KIF26B: variants seen among roughly 807,000 people sequenced by gnomAD.
The protein encoded by KIF26B is kinesin-like protein KIF26B.
Under a neutral mutation model 151.2 loss-of-function variants are expected in KIF26B, and 63 were observed. That is an observed-to-expected ratio of 0.42 (90% CI 0.34 to 0.51). KIF26B has a LOEUF of 0.51. Among genes scored for constraint, KIF26B ranks in the 20% least tolerant of loss-of-function variants. The probability of loss-of-function intolerance (pLI) is 0.07; values close to 1 mark genes in which losing one functional copy is unlikely to be tolerated. For synonymous variants in KIF26B, 1,357 were observed against 1,262.1 expected, an observed-to-expected ratio of 1.08 and a Z score of -1.59; for missense variants, 2,813 against 2,913.6, an observed-to-expected ratio of 0.97 and a Z score of 0.79.
At chr1:245,680,366 C>A (rs1440685942) in intron 10 of KIF26B, among the ~76,000 whole-genome samples, 1 of 152,180 alleles carries the variant, frequency 6.6e-6, no homozygotes, top group Non-Finnish European at 1.5e-5. Context: ...ACAAGGAGAG[C>A]TAAAATGCCG....
intron 2 of KIF26B, among the ~76,000 whole-genome samples, chr1:245,280,738 A>G (rs1356119795): frequency 2.4e-5 from 3 of 126,302 alleles, no homozygotes; most frequent in Non-Finnish European, 4.9e-5. Flanking sequence ...ATATCTCCCA[A>G]TGCTATCCCT....
At chr1:245,493,224 T>A (rs531836761) in intron 4 of KIF26B, among the ~76,000 whole-genome samples, 1 of 152,256 alleles carries the variant, frequency 6.6e-6, no homozygotes, top group East Asian at 1.9e-4. Context: ...ACATAAAGGG[T>A]ACCCTAGAGG....
chr1:245,619,424 C>T (rs1278604606), intron 9 of KIF26B, among the ~76,000 whole-genome samples: 1 of 152,204 alleles, frequency 6.6e-6, no homozygotes, highest in Admixed American at 6.5e-5. Flanking sequence ...ATGGTGAAAC[C>T]CCCTCTTTAC....
chr1:245,221,659 G>A (rs1021099941), intron 2 of KIF26B, among the ~76,000 whole-genome samples: 4 of 152,044 alleles, frequency 2.6e-5, no homozygotes, highest in East Asian at 1.9e-4. Flanking sequence ...AGCTTGCCTC[G>A]GCCTCCCAAA....
At chr1:245,486,883 C>T (rs1260329454) in intron 4 of KIF26B, among the ~76,000 whole-genome samples, 2 of 152,186 alleles carry the variant, frequency 1.3e-5, no homozygotes, top group African/African-American at 4.8e-5. Context: ...GTTGCCCAGG[C>T]TGTGGTTCAG....
intron 10 of KIF26B, among the ~76,000 whole-genome samples, chr1:245,647,356 C>T (rs532868848): frequency 2.3e-5 from 3 of 132,144 alleles, no homozygotes; most frequent in African/African-American, 5.8e-5. Flanking sequence ...AACCAGGAGG[C>T]GGAGCTTGCA....
intron 5 of KIF26B, among the ~76,000 whole-genome samples, chr1:245,579,966 A>C (rs1316472816): frequency 6.6e-6 from 1 of 152,100 alleles, no homozygotes; most frequent in East Asian, 1.9e-4. Context: ...AGACGTGAGC[A>C]TTCCATGAGA....
intron 10 of KIF26B, among the ~76,000 whole-genome samples, chr1:245,680,657 G>C (rs574334605): frequency 6.6e-6 from 1 of 152,168 alleles, no homozygotes; most frequent in Non-Finnish European, 1.5e-5. Context: ...TTAACAAGAC[G>C]ACGGGGAACT....
chr1:245,317,642 A>G (rs926313844), intron 2 of KIF26B, among the ~76,000 whole-genome samples: 1 of 152,202 alleles, frequency 6.6e-6, no homozygotes, highest in Non-Finnish European at 1.5e-5. Flanking sequence ...TGGTTTCTGT[A>G]AGTGTCGGAG....
intron 2 of KIF26B, among the ~76,000 whole-genome samples, chr1:245,256,886 C>A (rs1375633158): frequency 1.3e-5 from 2 of 152,238 alleles, no homozygotes; most frequent in African/African-American, 4.8e-5. Context: ...AATGTCCCTG[C>A]AAAGCTGTCT....
intron 2 of KIF26B, among the ~76,000 whole-genome samples, chr1:245,349,159 A>G (rs967981152): frequency 6.6e-6 from 1 of 152,232 alleles, no homozygotes; most frequent in African/African-American, 2.4e-5. Context: ...TGTTGAATGA[A>G]TCAATGAAGT....
At chr1:245,336,693 A>G (rs1379179222) in intron 2 of KIF26B, among the ~76,000 whole-genome samples, 1 of 152,186 alleles carries the variant, frequency 6.6e-6, no homozygotes, top group Non-Finnish European at 1.5e-5. Flanking sequence ...TACCTTCCGT[A>G]TCAACATGCT....
At chr1:245,264,993 A>G (rs1670716426) in intron 2 of KIF26B, among the ~76,000 whole-genome samples, 1 of 151,582 alleles carries the variant, frequency 6.6e-6, no homozygotes, top group Admixed American at 6.6e-5. Context: ...AGGTCAGGAG[A>G]TCGAGACCAT....
chr1:245,554,867 T>C (rs563248209), intron 5 of KIF26B, among the ~76,000 whole-genome samples: 52 of 152,314 alleles, frequency 3.4e-4, no homozygotes, highest in African/African-American at 1.2e-3. Flanking sequence ...CGTGTGCTCA[T>C]ACAGACCCCT....
chr1:245,297,499 A>G (rs961287334), intron 2 of KIF26B, among the ~76,000 whole-genome samples: 8 of 152,124 alleles, frequency 5.3e-5, no homozygotes, highest in Admixed American at 3.3e-4. Context: ...TATTCTTTCT[A>G]CTGCCATACA....
intron 3 of KIF26B, among the ~76,000 whole-genome samples, chr1:245,396,560 C>T (rs954129882): frequency 2.6e-5 from 4 of 151,596 alleles, no homozygotes; most frequent in Non-Finnish European, 2.9e-5. Flanking sequence ...CGCTTGAACC[C>T]GGGAGACAGA....
chr1:245,552,889 C>T (rs984777561), intron 5 of KIF26B, among the ~76,000 whole-genome samples: 73 of 152,108 alleles, frequency 4.8e-4, no homozygotes, highest in African/African-American at 1.6e-3. Context: ...TGTGAGCCAC[C>T]GCACACAGCC....
In KIF26B at chr1:245,601,247, G is replaced by A. The variant is rs188953715; in HGVS notation, c.1351-1330G>A. 3.3e-3 allele frequency among the ~76,000 whole-genome samples: 503 copies of A among 152,276 alleles called. 4 individuals are homozygous for A. Among genetic ancestry groups the A allele is most frequent in the African/African-American group, 0.012 (482 of 41,566 alleles). ...TCTTAAGTTAGAAGGCAAGCACAGC[G>A]GGGACACGGTGCAGGACACCTGCGG... is the stretch of plus-strand genomic sequence containing the variant. On this transcript the variant is annotated intron_variant, in intron 5 of 14. Coordinates refer to ENST00000407071, the MANE Select transcript of KIF26B (RefSeq NM_018012.4). This position sits in a 1 kb window ranked among gnomAD's most constrained non-coding sequence, Gnocchi z 4.4.
At chr1:245,189,617 A>G (rs1350962132) in intron 2 of KIF26B, among the ~76,000 whole-genome samples, 1 of 152,120 alleles carries the variant, frequency 6.6e-6, no homozygotes, top group African/African-American at 2.4e-5. Flanking sequence ...AGGGGCTCCT[A>G]AATTAGAGGT....
Sources: gnomAD v4.1 joint callset for allele counts (sites outside exome capture counted in the v4.1 genomes callset) on GRCh38, gnomAD v4.1.1 for gene constraint, Gnocchi (gnomAD v3.1) non-coding constraint, MANE v1.5 for transcripts, NCBI Gene and HGNC (gene_info 2026-07-23, HGNC 2026-07-21) for gene names.